The following RABL3 variants were observed in gnomAD, a reference collection of about 807,000 sequenced individuals.
The protein encoded by RABL3 is rab-like protein 3.
Under a neutral mutation model 31.8 loss-of-function variants are expected in RABL3, and 31 were observed. The ratio of observed to expected loss-of-function variants is 0.97; its 90% CI spans 0.73 to 1.31. RABL3 has a LOEUF of 1.31. RABL3 is among the 40% of genes most tolerant of loss of function. RABL3 has a pLI of 0.00. For synonymous variants in RABL3, 97 were observed against 99.9 expected, an observed-to-expected ratio of 0.97 and a Z score of 0.18; for missense variants, 263 against 279.6, an observed-to-expected ratio of 0.94 and a Z score of 0.42.
intron 2 of RABL3, among the ~76,000 whole-genome samples, chr3:120,718,480 C>T (rs1362257967): frequency 1.3e-5 from 2 of 152,204 alleles, no homozygotes; most frequent in Non-Finnish European, 2.9e-5. Flanking sequence ...CTCTATAAGT[C>T]CTGTCATTAA....
chr3:120,696,547 C>A (rs1270324051), intron 5 of RABL3, among the ~76,000 whole-genome samples: 2 of 151,506 alleles, frequency 1.3e-5, no homozygotes, highest in African/African-American at 4.9e-5. Flanking sequence ...TTACATCTGA[C>A]TCACAGTTAA....
chr3:120,690,290 T>C (rs1708364760), intron 7 of RABL3, among the ~76,000 whole-genome samples, 159 bp downstream of exon 7: 1 of 152,066 alleles, frequency 6.6e-6, no homozygotes, highest in African/African-American at 2.4e-5. Context: ...TTCCCTTTGT[T>C]CTGATTTTCT....
intron 1 of RABL3, among the ~76,000 whole-genome samples, chr3:120,739,370 C>T (rs1214183338): frequency 6.6e-6 from 1 of 152,014 alleles, no homozygotes; most frequent in Non-Finnish European, 1.5e-5. Context: ...GAGCAACAAT[C>T]CGTCTCGGTG....
At position 120,689,672 on chromosome 3, in the gene RABL3, T is replaced by C. The variant is rs1009927663; in HGVS notation, c.*151A>G. 1.6e-6 allele frequency: 1 copy of C among 607,218 alleles called. No homozygotes were observed. The highest frequency in any genetic ancestry group is 1.8e-5 in the African/African-American group (1 of 54,796). The allele number at this position is 607,218 out of a possible 1,614,324, so 37.6% of individuals were successfully genotyped here. ...AAGTTTGGACCTCCCGTATTGTCAC[T>C]TCCTTTCATTTTTCCATTAAAGGGT... On this transcript the variant is annotated 3_prime_UTR_variant, in exon 8 of 8. Transcript: ENST00000273375.
intron 5 of RABL3, among the ~76,000 whole-genome samples, chr3:120,697,973 C>A (rs945571379): frequency 6.6e-6 from 1 of 152,094 alleles, no homozygotes; most frequent in Non-Finnish European, 1.5e-5. Context: ...CTAGCCTGGG[C>A]AACATGGCAA....
At chr3:120,738,200 C>G (rs934773332) in intron 1 of RABL3, among the ~76,000 whole-genome samples, 5 of 152,236 alleles carry the variant, frequency 3.3e-5, no homozygotes, top group Admixed American at 3.3e-4. Context: ...CAAGCTTCAT[C>G]AATGGCGGGC....
At chr3:120,717,843 T>C (rs1395748797) in intron 2 of RABL3, among the ~76,000 whole-genome samples, 2 of 152,164 alleles carry the variant, frequency 1.3e-5, no homozygotes, top group African/African-American at 2.4e-5. Flanking sequence ...AACTAACTAG[T>C]AATCTCATGT....
At position 120,690,437 on chromosome 3, in the gene RABL3, A is replaced by G. The variant is rs1232714704; in HGVS notation, c.645+12T>C. The G allele has an allele frequency of 3.2e-6, 5 of 1,538,772 alleles. No homozygotes were observed. Among genetic ancestry groups the G allele is most frequent in the Non-Finnish European group, 4.5e-6 (5 of 1,113,874 alleles). Reference sequence around the variant, plus strand: ...TTTAAGAATCTATTTTATCAAGAAAAGAGATACCAACCTGATTACCTTCTC... The same window carrying G: ...TTTAAGAATCTATTTTATCAAGAAAGGAGATACCAACCTGATTACCTTCTC... On this transcript the variant is annotated intron_variant, in intron 7 of 7. Coordinates refer to ENST00000273375, the MANE Select transcript of RABL3 (RefSeq NM_173825.5).
At chr3:120,692,195 A>G (rs978021726) in intron 6 of RABL3, among the ~76,000 whole-genome samples, 9 of 140,870 alleles carry the variant, frequency 6.4e-5, no homozygotes, top group African/African-American at 2.2e-4. Context: ...TTGGAGAAGA[A>G]ATCTTTTTTT....
intron 2 of RABL3, 92 bp from the exon 3 acceptor site, chr3:120,710,001 TCTGA>T (rs1708595193): frequency 8.1e-6 from 7 of 866,140 alleles, no homozygotes; most frequent in Non-Finnish European, 1.2e-5. Flanking sequence ...AGCATCTTAC[TCTGA>T]CTTTCTGATC....
Position 120,686,839 on chromosome 3 carries a change from TA to T in RABL3, c.*2983del, listed in dbSNP as rs1708313761. ...ACAAAAGGACATAATCTAATGGTAA[TA>T]AACTGTGGAGAACTTAGCAAGTCCT... On this transcript the variant is annotated 3_prime_UTR_variant, in exon 8 of 8. Coordinates refer to ENST00000273375, the MANE Select transcript of RABL3 (RefSeq NM_173825.5). 6.6e-6 allele frequency: 1 copy of T among 152,174 alleles called. No homozygotes were observed. Among genetic ancestry groups the T allele is most frequent in the Non-Finnish European group, 1.5e-5 (1 of 68,044 alleles). The allele number at this position is 152,174 out of a possible 1,614,324, so 9.4% of individuals were successfully genotyped here.
intron 4 of RABL3, among the ~76,000 whole-genome samples, chr3:120,705,355 A>G (rs1708536607): frequency 6.6e-6 from 1 of 152,234 alleles, no homozygotes; most frequent in South Asian, 2.1e-4. Flanking sequence ...ATAGCTAAAC[A>G]ATTATGAAAA....
chr3:120,713,415 ATG>A (rs1447942399), intron 2 of RABL3, among the ~76,000 whole-genome samples: 1 of 152,246 alleles, frequency 6.6e-6, no homozygotes, highest in African/African-American at 2.4e-5. Context: ...CATCTTTCAC[ATG>A]TGTGAGTAAT....
At chr3:120,703,585 T>C (rs1708517838) in intron 4 of RABL3, among the ~76,000 whole-genome samples, 1 of 151,800 alleles carries the variant, frequency 6.6e-6, no homozygotes, top group Non-Finnish European at 1.5e-5. Context: ...AATTAAACTG[T>C]ATATGGAAAA....
intron 1 of RABL3, among the ~76,000 whole-genome samples, chr3:120,740,759 TA>T (rs776876011): frequency 5.3e-5 from 8 of 152,118 alleles, no homozygotes; most frequent in Non-Finnish European, 1.2e-4. Context: ...AAAAAGACAA[TA>T]ACTAACTTTG....
intron 4 of RABL3, among the ~76,000 whole-genome samples, chr3:120,703,330 A>G (rs548148621): frequency 2.0e-5 from 3 of 152,304 alleles, no homozygotes; most frequent in Admixed American, 1.3e-4. Context: ...ACTAAACAAC[A>G]CATTTCTAAA....
chr3:120,729,073 T>G (rs1708854078), intron 2 of RABL3, among the ~76,000 whole-genome samples: 1 of 152,088 alleles, frequency 6.6e-6, no homozygotes, highest in Admixed American at 6.6e-5. Context: ...TCCGGACCTT[T>G]GATGAGGTGC....
chr3:120,686,485 C>A lies in RABL3; in HGVS notation c.*3338G>T, dbSNP rs977594615. Among the ~76,000 whole-genome samples the A allele has an allele frequency of 2.6e-5, 4 of 152,096 alleles. No individual in the cohort carries two copies. Among genetic ancestry groups the A allele is most frequent in the Admixed American group, 1.3e-4 (2 of 15,260 alleles). ...TCCATGAAGTCCATGTCAGAATGAA[C>A]AGAAAAACAAGTGTCAGGGCACCTG... is the stretch of plus-strand genomic sequence containing the variant. On this transcript the variant is annotated 3_prime_UTR_variant, in exon 8 of 8. Coordinates refer to ENST00000273375, the MANE Select transcript of RABL3 (RefSeq NM_173825.5).
Position 120,687,789 on chromosome 3 carries a change from T to A in RABL3, c.*2034A>T, listed in dbSNP as rs376821227. 2 of 151,086 alleles carry A rather than the reference T, an allele frequency of 1.3e-5. No homozygotes were observed. Among genetic ancestry groups the A allele is most frequent in the East Asian group, 1.9e-4 (1 of 5,164 alleles). The allele number at this position is 151,086 out of a possible 1,614,324, so 9.4% of individuals were successfully genotyped here. On this transcript the variant is annotated 3_prime_UTR_variant, in exon 8 of 8. Transcript: ENST00000273375. ...TACTTTTATTATTTATTTATATATT[T>A]ATATATTTATTTATTTATTTTCTTT... is the stretch of plus-strand genomic sequence containing the variant.
Sources: allele counts gnomAD v4.1 joint callset (sites outside exome capture counted in the v4.1 genomes callset), GRCh38; gene constraint gnomAD v4.1.1; transcripts MANE v1.5; gene names NCBI Gene and HGNC (gene_info 2026-07-23, HGNC 2026-07-21).